HAPLN1: variants seen among roughly 807,000 people sequenced by gnomAD.
HAPLN1 encodes the protein hyaluronan and proteoglycan link protein 1.
In HAPLN1, 13 loss-of-function variants were observed where a neutral mutation model predicts 36.5. The observed-to-expected ratio is 0.36, with a 90% CI of 0.23 to 0.57. The LOEUF (loss-of-function observed/expected upper bound fraction) is 0.57. Ranked by LOEUF, HAPLN1 falls within the 20% of genes least tolerant of loss-of-function variation. The probability of loss-of-function intolerance (pLI) is 0.83; values close to 1 mark genes in which losing one functional copy is unlikely to be tolerated. For synonymous variants in HAPLN1, 202 were observed against 169.8 expected, an observed-to-expected ratio of 1.19 and a Z score of -1.48; for missense variants, 407 against 439.7, an observed-to-expected ratio of 0.93 and a Z score of 0.66.
chr5:83,664,235 T>C (rs1176645230), intron 2 of HAPLN1, among the ~76,000 whole-genome samples: 1 of 152,088 alleles, frequency 6.6e-6, no homozygotes, highest in Non-Finnish European at 1.5e-5. Flanking sequence ...CCTCTGGTTT[T>C]TTATGTGACC....
At chr5:83,656,892 G>A (rs1018574707) in intron 2 of HAPLN1, among the ~76,000 whole-genome samples, 1 of 152,160 alleles carries the variant, frequency 6.6e-6, no homozygotes, top group African/African-American at 2.4e-5. Context: ...CACTTGCTAT[G>A]AAATTTAGAT....
intron 1 of HAPLN1, among the ~76,000 whole-genome samples, chr5:83,695,927 A>G (rs1231062211): frequency 1.3e-5 from 2 of 152,082 alleles, no homozygotes; most frequent in Non-Finnish European, 2.9e-5. Context: ...CAGAGAGTGG[A>G]ATTAAGGCAA....
chr5:83,651,071 T>C (rs1750050168), intron 3 of HAPLN1, among the ~76,000 whole-genome samples: 1 of 152,172 alleles, frequency 6.6e-6, no homozygotes. Context: ...TTATTTAGAG[T>C]TTAATTTTGT....
chr5:83,688,399 G>A (rs111316381), intron 1 of HAPLN1, among the ~76,000 whole-genome samples: 1 of 152,102 alleles, frequency 6.6e-6, no homozygotes, highest in Non-Finnish European at 1.5e-5. Context: ...CTCTTCACAT[G>A]TTAAACTTTT....
intron 3 of HAPLN1, chr5:83,652,105 A>G (rs1750080003): frequency 3.6e-6 from 1 of 275,780 alleles, no homozygotes; most frequent in Middle Eastern, 1.0e-3. Flanking sequence ...ATAATTTTAG[A>G]AACAAAATAA....
At chr5:83,653,622 C>A (rs1017937556) in intron 2 of HAPLN1, among the ~76,000 whole-genome samples, 1 of 152,164 alleles carries the variant, frequency 6.6e-6, no homozygotes, top group Non-Finnish European at 1.5e-5. Flanking sequence ...TCTTTGCTTT[C>A]TGCTATGTCT....
chr5:83,645,026 C>G (rs1168474603), intron 3 of HAPLN1, among the ~76,000 whole-genome samples: 2 of 152,158 alleles, frequency 1.3e-5, no homozygotes, highest in African/African-American at 4.8e-5. Flanking sequence ...TGGGTTACTA[C>G]TGAGCTCTGT....
intron 3 of HAPLN1, among the ~76,000 whole-genome samples, chr5:83,645,032 T>G (rs553390429): frequency 5.0e-4 from 76 of 152,316 alleles, no homozygotes; most frequent in African/African-American, 1.1e-3. Context: ...ACTACTGAGC[T>G]CTGTCACCTA....
At chr5:83,689,257 T>G (rs978439187) in intron 1 of HAPLN1, among the ~76,000 whole-genome samples, 2 of 152,094 alleles carry the variant, frequency 1.3e-5, no homozygotes, top group African/African-American at 4.8e-5. Context: ...AGACCAAAGT[T>G]GAATATGCTG....
At chr5:83,662,938 G>A (rs1272893212) in intron 2 of HAPLN1, among the ~76,000 whole-genome samples, 5 of 152,198 alleles carry the variant, frequency 3.3e-5, no homozygotes, top group Non-Finnish European at 7.3e-5. Context: ...AGGCAACAGA[G>A]GATAAAAAGG....
intron 1 of HAPLN1, among the ~76,000 whole-genome samples, chr5:83,675,775 A>G (rs555876424): frequency 5.9e-5 from 9 of 152,358 alleles, no homozygotes; most frequent in Admixed American, 3.9e-4. Flanking sequence ...CGCCAGCACT[A>G]TAAGCAGCAT....
chr5:83,655,941 C>T (rs1750198011), intron 2 of HAPLN1, among the ~76,000 whole-genome samples: 1 of 152,158 alleles, frequency 6.6e-6, no homozygotes, highest in Admixed American at 6.5e-5. Flanking sequence ...GCGTTGATTA[C>T]AAACTTTGCA....
In HAPLN1 at chr5:83,640,462, T is replaced by C. The variant is rs1299836588; in HGVS notation, c.*1034A>G. On this transcript the variant is annotated 3_prime_UTR_variant, in exon 5 of 5. Coordinates refer to ENST00000274341, the MANE Select transcript of HAPLN1 (RefSeq NM_001884.4). ...TTGGGTTCTCTCGTGTATATACAAATAGGAATAATAAGAATTTTGAAAGTT... is the reference window on the plus strand; with the variant it reads ...TTGGGTTCTCTCGTGTATATACAAACAGGAATAATAAGAATTTTGAAAGTT... The C allele has an allele frequency of 6.6e-6, 1 of 152,150 alleles. No individual in the cohort carries two copies. The highest frequency in any genetic ancestry group is 1.5e-5 in the Non-Finnish European group (1 of 68,002). The allele number at this position is 152,150 out of a possible 1,614,324, so 9.4% of individuals were successfully genotyped here.
chr5:83,693,244 T>C lies in HAPLN1; in HGVS notation c.-26-19695A>G, dbSNP rs146871287. On this transcript the variant is annotated intron_variant, in intron 1 of 4. Coordinates refer to ENST00000274341, the MANE Select transcript of HAPLN1 (RefSeq NM_001884.4). ...AAATTGCAGATATGAGCAGGACTAC[T>C]GTAGTAAAATATCACCTGAAAATAG... 9.1e-4 allele frequency among the ~76,000 whole-genome samples: 139 copies of C among 151,970 alleles called. 1 individual carries two copies. In the East Asian group the frequency reaches 0.026, roughly 28 times the overall value.
chr5:83,682,703 G>A (rs1751034863), intron 1 of HAPLN1, among the ~76,000 whole-genome samples: 3 of 152,112 alleles, frequency 2.0e-5, no homozygotes, highest in Non-Finnish European at 4.4e-5. Context: ...TGTCTACACA[G>A]CTCAAAAAAG....
At chr5:83,697,271 G>A (rs1751409866) in intron 1 of HAPLN1, among the ~76,000 whole-genome samples, 1 of 152,096 alleles carries the variant, frequency 6.6e-6, no homozygotes, top group Non-Finnish European at 1.5e-5. Flanking sequence ...TGTATTGACT[G>A]ATGTAAATTG....
At chr5:83,658,730 T>C (rs570145234) in intron 2 of HAPLN1, among the ~76,000 whole-genome samples, 1 of 152,270 alleles carries the variant, frequency 6.6e-6, no homozygotes, top group South Asian at 2.1e-4. Flanking sequence ...GATTCTAATG[T>C]GTCTAATCAG....
intron 1 of HAPLN1, among the ~76,000 whole-genome samples, chr5:83,700,669 T>C (rs1751488166): frequency 6.6e-6 from 1 of 151,664 alleles, no homozygotes; most frequent in Non-Finnish European, 1.5e-5. Context: ...TTTTTACTTT[T>C]AGGCAGCTAA....
At chr5:83,654,750 G>T (rs1419851708) in intron 2 of HAPLN1, among the ~76,000 whole-genome samples, 1 of 152,152 alleles carries the variant, frequency 6.6e-6, no homozygotes, top group African/African-American at 2.4e-5. Flanking sequence ...AAATGCACTG[G>T]CATAGAGGAT....
Sources: gnomAD v4.1 joint callset for allele counts (sites outside exome capture counted in the v4.1 genomes callset) on GRCh38, gnomAD v4.1.1 for gene constraint, MANE v1.5 for transcripts, NCBI Gene and HGNC (gene_info 2026-07-23, HGNC 2026-07-21) for gene names.